Variants in CDK14 observed in about 807,000 individuals in gnomAD.
The protein encoded by CDK14 is cyclin dependent kinase 14, also known as cyclin-dependent kinase 14.
Under a neutral mutation model 60.7 loss-of-function variants are expected in CDK14, and 34 were observed. That is an observed-to-expected ratio of 0.56 (90% CI 0.43 to 0.75). CDK14 has a LOEUF of 0.75. Among genes scored for constraint, CDK14 ranks in the 30% least tolerant of loss-of-function variants. The probability of loss-of-function intolerance (pLI) is 0.00; values close to 1 mark genes in which losing one functional copy is unlikely to be tolerated. For missense variants in CDK14, 482 were observed against 564.1 expected, an observed-to-expected ratio of 0.85 and a Z score of 1.47; for synonymous variants, 197 against 203.7, an observed-to-expected ratio of 0.97 and a Z score of 0.28.
At chr7:91,174,164 G>A (rs1177316012) in intron 14 of CDK14, among the ~76,000 whole-genome samples, 3 of 151,914 alleles carry the variant, frequency 2.0e-5, no homozygotes, top group African/African-American at 7.3e-5. Flanking sequence ...CCCCTGAGCA[G>A]CCTAACTGGG....
At chr7:90,980,614 GT>G (rs1795203770) in intron 9 of CDK14, among the ~76,000 whole-genome samples, 1 of 152,082 alleles carries the variant, frequency 6.6e-6, no homozygotes, top group Non-Finnish European at 1.5e-5. Flanking sequence ...ATGTTGATAT[GT>G]TTTATACACA....
chr7:90,749,626 A>G (rs536918145), intron 4 of CDK14, among the ~76,000 whole-genome samples: 3 of 152,310 alleles, frequency 2.0e-5, no homozygotes, highest in Admixed American at 6.5e-5. Flanking sequence ...ACTCTGGTGT[A>G]GCAGGTTCCT....
chr7:90,934,953 G>T (rs1793704378), intron 8 of CDK14, among the ~76,000 whole-genome samples: 1 of 152,186 alleles, frequency 6.6e-6, no homozygotes, highest in Admixed American at 6.5e-5. Flanking sequence ...TGTTTATTTT[G>T]TAATGCTATC....
At chr7:91,041,566 C>T (rs1797091637) in intron 10 of CDK14, among the ~76,000 whole-genome samples, 1 of 152,182 alleles carries the variant, frequency 6.6e-6, no homozygotes, top group South Asian at 2.1e-4. Flanking sequence ...TCACTATGCA[C>T]ACACACAAAG....
intron 8 of CDK14, among the ~76,000 whole-genome samples, chr7:90,942,243 C>T (rs999126889): frequency 6.6e-6 from 1 of 152,074 alleles, no homozygotes; most frequent in Non-Finnish European, 1.5e-5. Context: ...GGCCCTACAA[C>T]CCCAAGGCTT....
intron 4 of CDK14, among the ~76,000 whole-genome samples, chr7:90,785,808 A>G (rs930923256): frequency 3.6e-5 from 1 of 27,484 alleles, no homozygotes; most frequent in Non-Finnish European, 7.3e-5. Context: ...AAAAAAAAAG[A>G]GAAAACTTCT....
intron 10 of CDK14, among the ~76,000 whole-genome samples, chr7:91,038,103 C>T (rs774306167): frequency 3.3e-5 from 5 of 152,136 alleles, no homozygotes; most frequent in Non-Finnish European, 5.9e-5. Flanking sequence ...CAGTCACCTG[C>T]CTGACTGCTT....
chr7:90,628,202 C>T (rs1799915545), intron 2 of CDK14, among the ~76,000 whole-genome samples: 1 of 152,172 alleles, frequency 6.6e-6, no homozygotes, highest in African/African-American at 2.4e-5. Flanking sequence ...AGTAATCTAC[C>T]TGCCTTAGCC....
intron 12 of CDK14, among the ~76,000 whole-genome samples, chr7:91,089,010 G>A (rs1473315712): frequency 6.6e-6 from 1 of 152,070 alleles, no homozygotes; most frequent in Non-Finnish European, 1.5e-5. Context: ...AAAGATGAAG[G>A]GTAGTTCTCA....
intron 14 of CDK14, among the ~76,000 whole-genome samples, chr7:91,202,784 C>T (rs886695756): frequency 3.3e-5 from 5 of 152,124 alleles, no homozygotes; most frequent in Non-Finnish European, 7.3e-5. Flanking sequence ...CTCTCATTGG[C>T]GCCTCTCTTC....
At chr7:91,100,256 G>T (rs541018457) in intron 12 of CDK14, among the ~76,000 whole-genome samples, 1 of 152,214 alleles carries the variant, frequency 6.6e-6, no homozygotes, top group African/African-American at 2.4e-5. Context: ...TAGTTTAAGT[G>T]CACATGGATT....
At chr7:90,859,932 GT>G (rs953919813) in intron 5 of CDK14, among the ~76,000 whole-genome samples, 2 of 151,888 alleles carry the variant, frequency 1.3e-5, no homozygotes, top group Non-Finnish European at 2.9e-5. Context: ...TAGGCAGAAT[GT>G]TTTTTTGTTT....
At chr7:90,737,082 A>T (rs1257326104) in intron 3 of CDK14, among the ~76,000 whole-genome samples, 1 of 152,166 alleles carries the variant, frequency 6.6e-6, no homozygotes, top group African/African-American at 2.4e-5. Flanking sequence ...TCCTAGGACT[A>T]GTTCCTGTGT....
intron 2 of CDK14, among the ~76,000 whole-genome samples, chr7:90,678,564 T>A (rs982942568): frequency 6.6e-6 from 1 of 152,242 alleles, no homozygotes; most frequent in African/African-American, 2.4e-5. Context: ...CCTTTAAATG[T>A]GCCATTTTTT....
intron 2 of CDK14, among the ~76,000 whole-genome samples, chr7:90,715,646 C>T (rs138659015): frequency 3.7e-5 from 5 of 134,100 alleles, no homozygotes; most frequent in African/African-American, 1.4e-4. Context: ...TTTTTATTTG[C>T]AGGAATAGAC....
intron 6 of CDK14, among the ~76,000 whole-genome samples, chr7:90,874,166 G>C (rs577439174): frequency 6.6e-6 from 1 of 152,208 alleles, no homozygotes; most frequent in Admixed American, 6.5e-5. Context: ...TTCATCTTAT[G>C]TGGTTTTGTC....
At chr7:91,173,582 C>CA in intron 14 of CDK14, among the ~76,000 whole-genome samples, 1 of 152,194 alleles carries the variant, frequency 6.6e-6, no homozygotes, top group Non-Finnish European at 1.5e-5. Flanking sequence ...ACAGTGGGCG[C>CA]AGGTCAGTGG....
At chr7:90,856,597 C>T (rs1229121626) in intron 5 of CDK14, among the ~76,000 whole-genome samples, 2 of 152,066 alleles carry the variant, frequency 1.3e-5, no homozygotes, top group African/African-American at 4.8e-5. Context: ...GCTAGACTGT[C>T]TCCTCATTAC....
intron 2 of CDK14, among the ~76,000 whole-genome samples, chr7:90,624,385 A>G (rs1362946316): frequency 1.3e-5 from 2 of 152,218 alleles, no homozygotes; most frequent in African/African-American, 2.4e-5. Context: ...GTCACTTTCT[A>G]ATTTTCTATT....
Sources: allele counts gnomAD v4.1 joint callset (sites outside exome capture counted in the v4.1 genomes callset), GRCh38; gene constraint gnomAD v4.1.1; transcripts MANE v1.5; gene names NCBI Gene and HGNC (gene_info 2026-07-23, HGNC 2026-07-21).